Variants in PDE7B observed in about 807,000 individuals in gnomAD.
The protein encoded by PDE7B is phosphodiesterase 7B, also known as 3',5'-cyclic-AMP phosphodiesterase 7B.
Under a neutral mutation model 56.2 loss-of-function variants are expected in PDE7B, and 29 were observed. The ratio of observed to expected loss-of-function variants is 0.52; its 90% CI spans 0.38 to 0.70. The LOEUF is 0.70. Ranked by LOEUF, PDE7B falls within the 30% of genes least tolerant of loss-of-function variation. The pLI is 0.00. For synonymous variants in PDE7B, 197 were observed against 196.9 expected, an observed-to-expected ratio of 1.00 and a Z score of 0.00; for missense variants, 490 against 565.0, an observed-to-expected ratio of 0.87 and a Z score of 1.35.
Position 136,149,258 on chromosome 6 carries a change from C to G in PDE7B, c.382+108C>G, listed in dbSNP as rs1554282998. ...CACTGCTATTCCTTTTTCCTTCTTTCCCCATTTTCATAAACCTACAGCTAC... is the reference window on the plus strand; with the variant it reads ...CACTGCTATTCCTTTTTCCTTCTTTGCCCATTTTCATAAACCTACAGCTAC... On this transcript the variant is annotated intron_variant, in intron 5 of 12. Coordinates refer to ENST00000308191, the MANE Select transcript of PDE7B (RefSeq NM_018945.4). The G allele has an allele frequency of 6.6e-6, 5 of 761,918 alleles. No homozygotes were observed. The Admixed American group carries it at 1.1e-4, about 16-fold the overall frequency. 47.2% of individuals were successfully genotyped at this position (761,918 alleles called of 1,614,324 possible). A position where few individuals can be genotyped will look rare whatever the true frequency, so the allele number is the denominator to read the frequency against.
rs559769128 is a variant in PDE7B, at chr6:136,195,455, GAAAAAAAAAAA to G, written c.*3627_*3637del. The G allele has an allele frequency of 4.3e-5, 3 of 68,974 alleles. No homozygotes were observed. The highest frequency in any genetic ancestry group is 1.0e-3 in the South Asian group (2 of 1,988). 4.3% of individuals were successfully genotyped at this position (68,974 alleles called of 1,614,324 possible). A position where few individuals can be genotyped will look rare whatever the true frequency, so the allele number is the denominator to read the frequency against. On this transcript the variant is annotated 3_prime_UTR_variant, in exon 13 of 13. Coordinates refer to ENST00000308191, the MANE Select transcript of PDE7B (RefSeq NM_018945.4). ...CATTTTGTATACACATGTGAGGTTT[GAAAAAAAAAAA>G]AAAAAAAAAAAGAACTACCTTGTGA...
intron 2 of PDE7B, among the ~76,000 whole-genome samples, chr6:136,059,396 A>G (rs893476604): frequency 1.3e-5 from 2 of 152,244 alleles, no homozygotes. Flanking sequence ...ATGGAGAATC[A>G]AAAGGCAATC....
chr6:136,187,030 T>C lies in PDE7B; in HGVS notation c.1046-6T>C, dbSNP rs551074196. ...TGTGTTTTTTTCTTTCTTTCTTTCT[T>C]CTTAGGTGAACTTGAACAGAAATTT... On this transcript the variant is annotated splice_region_variant and splice_polypyrimidine_tract_variant and intron_variant, in intron 11 of 12. Transcript: ENST00000308191. 1 of 1,474,148 alleles carries C rather than the reference T, an allele frequency of 6.8e-7. No homozygotes were observed. The highest frequency in any genetic ancestry group is 1.4e-5 in the African/African-American group (1 of 71,970). 91.3% of individuals were successfully genotyped at this position (1,474,148 alleles called of 1,614,324 possible). A position where few individuals can be genotyped will look rare whatever the true frequency, so the allele number is the denominator to read the frequency against.
intron 1 of PDE7B, among the ~76,000 whole-genome samples, chr6:135,883,132 A>T (rs1775640088): frequency 2.0e-5 from 3 of 152,118 alleles, no homozygotes; most frequent in African/African-American, 7.2e-5. Context: ...AAATCTTGTC[A>T]CTGATCTTGA....
chr6:136,113,026 G>A lies in PDE7B; in HGVS notation c.166+4212G>A, dbSNP rs538830726. Among the ~76,000 whole-genome samples, 4 of 152,242 alleles carry A rather than the reference G, an allele frequency of 2.6e-5. No individual in the cohort carries two copies. In the South Asian group the frequency reaches 8.3e-4, roughly 32 times the overall value. ...CTTATATAGGTTTTCCCAAAAAAGA[G>A]TATTTAAATTTAATGTTTCTCAAAG... On this transcript the variant is annotated intron_variant, in intron 3 of 12. Transcript: ENST00000308191.
intron 1 of PDE7B, among the ~76,000 whole-genome samples, chr6:135,926,016 A>C (rs1002204272): frequency 7.0e-6 from 1 of 143,514 alleles, no homozygotes; most frequent in Non-Finnish European, 1.5e-5. Flanking sequence ...TAAGTTTTAC[A>C]TGACACTGTA....
At chr6:136,152,379 C>T (rs1011066710) in intron 6 of PDE7B, among the ~76,000 whole-genome samples, 1 of 152,178 alleles carries the variant, frequency 6.6e-6, no homozygotes, top group Non-Finnish European at 1.5e-5. Flanking sequence ...CCACTATGAG[C>T]AGAGTACTTT....
chr6:136,037,614 G>A (rs1343199298), intron 2 of PDE7B: 4 of 985,304 alleles, frequency 4.1e-6, no homozygotes, highest in Non-Finnish European at 3.6e-6. Flanking sequence ...AGCTTCCTCT[G>A]TTTTTTTGAG....
At chr6:135,890,111 A>G (rs950065469) in intron 1 of PDE7B, among the ~76,000 whole-genome samples, 1 of 152,152 alleles carries the variant, frequency 6.6e-6, no homozygotes, top group Non-Finnish European at 1.5e-5. Context: ...GAGTGTACCA[A>G]TTGTTTGATG....
intron 2 of PDE7B, among the ~76,000 whole-genome samples, chr6:135,979,164 T>C (rs560694858): frequency 3.1e-3 from 478 of 152,136 alleles, no homozygotes; most frequent in Non-Finnish European, 4.2e-3. Context: ...GTTCTGTTTA[T>C]ATGCTAGATT....
rs543676607 is a variant in PDE7B, at chr6:135,995,169, C to T, written c.82+47645C>T. 2.6e-5 allele frequency among the ~76,000 whole-genome samples: 4 copies of T among 152,294 alleles called. No individual in the cohort carries two copies. The South Asian group carries it at 8.3e-4, about 32-fold the overall frequency. On this transcript the variant is annotated intron_variant, in intron 2 of 12. Transcript: ENST00000308191. ...CAAATCCTACAGGCCTCCAGGCCCT[C>T]TGGCCACCAAGTTCATGTCCCAAAC... is the stretch of plus-strand genomic sequence containing the variant.
At chr6:136,035,057 A>G (rs1037878910) in intron 2 of PDE7B, 5 of 152,198 alleles carry the variant, frequency 3.3e-5, no homozygotes, top group Admixed American at 6.5e-5. Context: ...TTGAAAATCT[A>G]TCTTAAAATG....
intron 6 of PDE7B, 54 bp from the exon 7 acceptor site, chr6:136,154,021 G>A: frequency 8.5e-7 from 1 of 1,182,734 alleles, no homozygotes; most frequent in Non-Finnish European, 1.3e-6. Context: ...GTCTAAGCTA[G>A]TATACCACTC....
chr6:136,159,745 T>G (rs769370278), intron 8 of PDE7B, among the ~76,000 whole-genome samples: 10 of 152,238 alleles, frequency 6.6e-5, no homozygotes, highest in Non-Finnish European at 1.5e-4. Context: ...TCCTCCGGAT[T>G]TAAAATGTTC....
chr6:136,098,290 A>G (rs768353385), intron 2 of PDE7B, among the ~76,000 whole-genome samples: 10 of 152,064 alleles, frequency 6.6e-5, no homozygotes, highest in Non-Finnish European at 1.5e-4. Flanking sequence ...GAGGTAGTAC[A>G]CTCATCAGAT....
At chr6:136,161,395 G>A (rs1778702208) in intron 8 of PDE7B, among the ~76,000 whole-genome samples, 2 of 152,094 alleles carry the variant, frequency 1.3e-5, no homozygotes, top group Admixed American at 1.3e-4. Context: ...CAGTTCTGAT[G>A]TCCAGGGAAT....
At chr6:136,136,879 T>C (rs1778221423) in intron 3 of PDE7B, among the ~76,000 whole-genome samples, 1 of 152,094 alleles carries the variant, frequency 6.6e-6, no homozygotes, top group African/African-American at 2.4e-5. Context: ...CATCTCCACT[T>C]AACAAATTGG....
chr6:136,063,721 A>T (rs1344819930), intron 2 of PDE7B, among the ~76,000 whole-genome samples: 1 of 152,160 alleles, frequency 6.6e-6, no homozygotes, highest in African/African-American at 2.4e-5. Context: ...AAAACCGCAC[A>T]GTTCGTGTTT....
At chr6:135,877,743 A>G (rs1472359985) in intron 1 of PDE7B, among the ~76,000 whole-genome samples, 1 of 147,408 alleles carries the variant, frequency 6.8e-6, no homozygotes, top group South Asian at 2.1e-4. Flanking sequence ...CCAGGAAAAC[A>G]AAACAAAACA....
Sources: gnomAD v4.1 joint callset for allele counts (sites outside exome capture counted in the v4.1 genomes callset) on GRCh38, gnomAD v4.1.1 for gene constraint, MANE v1.5 for transcripts, NCBI Gene and HGNC (gene_info 2026-07-23, HGNC 2026-07-21) for gene names.